Variants in KALRN observed in about 807,000 individuals in gnomAD.
The protein encoded by KALRN is kalirin.
KALRN carries 70 observed loss-of-function variants against 353.7 expected under a neutral mutation model. That is an observed-to-expected ratio of 0.20 (90% CI 0.16 to 0.24). KALRN has a LOEUF of 0.24. Among genes scored for constraint, KALRN ranks in the 10% least tolerant of loss-of-function variants. The pLI, the probability that KALRN is intolerant of heterozygous loss-of-function variation, is 1.00. For missense variants in KALRN, 2,791 were observed against 3,756.7 expected (o/e 0.74, Z 6.72); for synonymous variants, 1,391 against 1,434.8 (o/e 0.97, Z 0.69).
chr3:124,604,736 G>A (rs1276777628), intron 34 of KALRN, among the ~76,000 whole-genome samples: 1 of 151,822 alleles, frequency 6.6e-6, no homozygotes, highest in African/African-American at 2.4e-5. Flanking sequence ...ACCCAGACTG[G>A]AATGCAGTGG....
chr3:124,179,087 GT>G (rs1331430773), intron 1 of KALRN, among the ~76,000 whole-genome samples: 6 of 151,956 alleles, frequency 3.9e-5, no homozygotes, highest in Non-Finnish European at 7.4e-5. Context: ...AGCCTGCTGG[GT>G]GACAGAGCAA....
At chr3:124,478,021 G>T (rs1264620352) in intron 27 of KALRN, among the ~76,000 whole-genome samples, 1 of 152,146 alleles carries the variant, frequency 6.6e-6, no homozygotes, top group Admixed American at 6.5e-5. Flanking sequence ...AGATCCTTTG[G>T]TTTGGAATTA....
intron 5 of KALRN, among the ~76,000 whole-genome samples, chr3:124,279,545 T>C (rs1473651408): frequency 6.6e-6 from 1 of 152,112 alleles, no homozygotes; most frequent in East Asian, 1.9e-4. Context: ...CAGCAGAGCA[T>C]GGAGGTGAGG....
At position 124,386,662 on chromosome 3, in the gene KALRN, T is replaced by A. The variant is rs1002575101; in HGVS notation, c.1962+1626T>A. On this transcript the variant is annotated intron_variant, in intron 11 of 59. Coordinates refer to ENST00000682506, the MANE Select transcript of KALRN (RefSeq NM_001388419.1). ...ACTTGGCCCTAAGGCCCCTTATGGTTCTAATGTGAATCCAAGATTTCATTC... is the reference window on the plus strand; with the variant it reads ...ACTTGGCCCTAAGGCCCCTTATGGTACTAATGTGAATCCAAGATTTCATTC... Among the ~76,000 whole-genome samples the A allele has an allele frequency of 2.0e-5, 3 of 152,224 alleles. No individual in the cohort carries two copies. In the South Asian group the frequency reaches 6.2e-4, roughly 32 times the overall value.
Position 124,694,318 on chromosome 3 carries a change from T to C in KALRN, c.7406-14T>C. 1 of 1,612,368 alleles carries C rather than the reference T, an allele frequency of 6.2e-7. No individual in the cohort carries two copies. ...TGCTCTGAATGATGTTAATGTATGT[T>C]GATTTGATCACAGTGGCCCCAGAAT... On this transcript the variant is annotated splice_polypyrimidine_tract_variant and intron_variant, in intron 52 of 59. Transcript: ENST00000682506.
chr3:124,330,004 G>A lies in KALRN; in HGVS notation c.1416+12G>A, dbSNP rs1189261261. ...AAGCCTACACAGAGGTGAGAATGGA[G>A]CAGGGCAACCATGGTTCTTGGGCAT... is the stretch of plus-strand genomic sequence containing the variant. On this transcript the variant is annotated intron_variant, in intron 8 of 59. Coordinates refer to ENST00000682506, the MANE Select transcript of KALRN (RefSeq NM_001388419.1). The A allele has an allele frequency of 1.2e-6, 2 of 1,612,602 alleles. No homozygotes were observed. Among genetic ancestry groups the A allele is most frequent in the African/African-American group, 2.7e-5 (2 of 74,878 alleles).
At chr3:124,608,716 G>A (rs1431098075) in intron 34 of KALRN, among the ~76,000 whole-genome samples, 1 of 152,194 alleles carries the variant, frequency 6.6e-6, no homozygotes, top group East Asian at 1.9e-4. Flanking sequence ...AGTCTGCTTA[G>A]AACACATAAC....
intron 1 of KALRN, among the ~76,000 whole-genome samples, chr3:124,169,396 C>T (rs1203965173): frequency 6.6e-6 from 1 of 152,084 alleles, no homozygotes; most frequent in Non-Finnish European, 1.5e-5. Context: ...TAAGGGCTCA[C>T]AGGAATGGAA....
At chr3:124,631,620 A>G (rs549088390) in intron 34 of KALRN, among the ~76,000 whole-genome samples, 2 of 152,278 alleles carry the variant, frequency 1.3e-5, no homozygotes, top group Admixed American at 1.3e-4. Flanking sequence ...CTACTTCTAA[A>G]CCACCAACAT....
intron 48 of KALRN, 21 bp from the exon 49 acceptor site, chr3:124,674,343 C>T (rs771204219): frequency 1.2e-6 from 2 of 1,604,298 alleles, no homozygotes; most frequent in Non-Finnish European, 1.7e-6. Flanking sequence ...TTGTGCCCCT[C>T]TCACCCTTAT....
At chr3:124,302,167 A>G (rs1024811172) in intron 6 of KALRN, among the ~76,000 whole-genome samples, 2 of 152,228 alleles carry the variant, frequency 1.3e-5, no homozygotes, top group South Asian at 4.1e-4. Flanking sequence ...CATATAATTA[A>G]AGATCAGACA....
chr3:124,461,020 T>C (rs1019221752), intron 23 of KALRN, among the ~76,000 whole-genome samples: 4 of 152,180 alleles, frequency 2.6e-5, no homozygotes, highest in Non-Finnish European at 5.9e-5. Flanking sequence ...CAAGTCCCAT[T>C]GGAAATAGTA....
At chr3:124,286,946 T>C (rs1375400101) in intron 5 of KALRN, among the ~76,000 whole-genome samples, 1 of 152,220 alleles carries the variant, frequency 6.6e-6, no homozygotes, top group African/African-American at 2.4e-5. Context: ...TAGTTTATCT[T>C]TCCCTAAATA....
intron 10 of KALRN, among the ~76,000 whole-genome samples, chr3:124,349,159 A>T (rs2082586050): frequency 6.6e-6 from 1 of 152,256 alleles, no homozygotes; most frequent in Admixed American, 6.5e-5. Context: ...AAGGGAGGGA[A>T]TTCTAACATA....
chr3:124,140,476 G>C (rs1397234350), intron 1 of KALRN, among the ~76,000 whole-genome samples: 2 of 152,124 alleles, frequency 1.3e-5, no homozygotes, highest in Non-Finnish European at 2.9e-5. Context: ...TCAGTTCAAG[G>C]TGCCCCAGAT....
chr3:124,224,473 C>G (rs1264602026), intron 1 of KALRN, among the ~76,000 whole-genome samples: 1 of 151,960 alleles, frequency 6.6e-6, no homozygotes, highest in African/African-American at 2.4e-5. Context: ...CTGCATGAGG[C>G]CTGTAGACCA....
chr3:124,717,410 G>A, intron 59 of KALRN, 25 bp downstream of exon 59: 1 of 1,557,212 alleles, frequency 6.4e-7, no homozygotes, highest in South Asian at 1.2e-5. Flanking sequence ...CAACCTGCTG[G>A]GCGCAGTGGC....
intron 1 of KALRN, among the ~76,000 whole-genome samples, chr3:124,041,254 G>C (rs1165954671): frequency 6.6e-6 from 1 of 152,076 alleles, no homozygotes; most frequent in Non-Finnish European, 1.5e-5. Flanking sequence ...GAATAACTTG[G>C]ACAAATGACT....
At chr3:124,519,722 T>G in intron 33 of KALRN, 1 of 985,492 alleles carries the variant, frequency 1.0e-6, no homozygotes, top group Non-Finnish European at 1.2e-6. Flanking sequence ...AGGAAAGGAC[T>G]GTCTTTGTAC....
Sources: allele counts gnomAD v4.1 joint callset (sites outside exome capture counted in the v4.1 genomes callset), GRCh38; gene constraint gnomAD v4.1.1; transcripts MANE v1.5; gene names NCBI Gene and HGNC (gene_info 2026-07-23, HGNC 2026-07-21).